Variants in SLIT2 observed in about 807,000 individuals in gnomAD.
The protein encoded by SLIT2 is slit guidance ligand 2, also known as slit homolog 2 protein.
A neutral mutation model predicts 185.7 loss-of-function variants in SLIT2; 41 were observed. The observed-to-expected ratio is 0.22, with a 90% CI of 0.17 to 0.29. The LOEUF (loss-of-function observed/expected upper bound fraction) is 0.29. Among genes scored for constraint, SLIT2 ranks in the 10% least tolerant of loss-of-function variants. The pLI, the probability that SLIT2 is intolerant of heterozygous loss-of-function variation, is 1.00. For synonymous variants in SLIT2, 693 were observed against 680.2 expected (o/e 1.02, Z -0.29); for missense variants, 1,571 against 1,909.0 (o/e 0.82, Z 3.30).
At chr4:20,477,591 TAGAG>T (rs1716258431) in intron 5 of SLIT2, among the ~76,000 whole-genome samples, 1 of 152,066 alleles carries the variant, frequency 6.6e-6, no homozygotes, top group Non-Finnish European at 1.5e-5. Flanking sequence ...AAGGATCACA[TAGAG>T]AGGTAATTTG....
intron 4 of SLIT2, among the ~76,000 whole-genome samples, chr4:20,436,316 C>G (rs756248409): frequency 6.6e-6 from 1 of 152,206 alleles, no homozygotes; most frequent in Non-Finnish European, 1.5e-5. Context: ...AACAGTGCTT[C>G]AGTACATGTA....
intron 4 of SLIT2, among the ~76,000 whole-genome samples, chr4:20,382,419 G>C (rs1724600493): frequency 6.6e-6 from 1 of 152,018 alleles, no homozygotes. Flanking sequence ...CGTTTTTGTA[G>C]AAAATCTTGA....
intron 4 of SLIT2, chr4:20,392,132 G>A (rs1219934290): frequency 2.6e-5 from 4 of 151,902 alleles, no homozygotes; most frequent in Admixed American, 6.6e-5. Context: ...ACATCATAGA[G>A]GGTACTTACA....
chr4:20,457,929 G>A (rs554125359), intron 4 of SLIT2, among the ~76,000 whole-genome samples: 1 of 152,068 alleles, frequency 6.6e-6, no homozygotes, highest in African/African-American at 2.4e-5. Context: ...AACAGTGCTT[G>A]GTATTATTTT....
At chr4:20,572,489 C>T (rs953032252) in intron 29 of SLIT2, among the ~76,000 whole-genome samples, 4 of 152,048 alleles carry the variant, frequency 2.6e-5, no homozygotes, top group Admixed American at 1.3e-4. Context: ...TCATGATCAT[C>T]TTCTTTCTAA....
intron 4 of SLIT2, among the ~76,000 whole-genome samples, chr4:20,467,176 G>A (rs1360159559): frequency 6.6e-6 from 1 of 152,128 alleles, no homozygotes. Flanking sequence ...AAGGTTTTAT[G>A]TAAACCTGCT....
chr4:20,446,142 G>A (rs770281296), intron 4 of SLIT2, among the ~76,000 whole-genome samples: 1 of 152,302 alleles, frequency 6.6e-6, no homozygotes, highest in East Asian at 1.9e-4. Flanking sequence ...TTCGAAGACA[G>A]TTGTCAGATG....
intron 30 of SLIT2, among the ~76,000 whole-genome samples, chr4:20,593,794 A>G (rs963266849): frequency 1.3e-5 from 2 of 152,098 alleles, no homozygotes; most frequent in South Asian, 2.1e-4. Flanking sequence ...AGAATAAAAT[A>G]AAGTTGATAA....
rs372917854 is a variant in SLIT2, at chr4:20,429,756, T to C, written c.396-37996T>C. Among the ~76,000 whole-genome samples, 11 of 152,044 alleles carry C rather than the reference T, an allele frequency of 7.2e-5. No homozygotes were observed. In the South Asian group the frequency reaches 1.5e-3, roughly 20 times the overall value. ...GAGAGAGAAATCAGGAAATGGAAAA[T>C]CCCTGTGCCATAAATTTATATTGTT... On this transcript the variant is annotated intron_variant, in intron 4 of 36. Coordinates refer to ENST00000504154, the MANE Select transcript of SLIT2 (RefSeq NM_004787.4).
intron 4 of SLIT2, among the ~76,000 whole-genome samples, chr4:20,313,144 A>T (rs1293095476): frequency 6.6e-6 from 1 of 152,204 alleles, no homozygotes; most frequent in Non-Finnish European, 1.5e-5. Context: ...CTGCATTGCT[A>T]TAAAGAAATA....
At chr4:20,569,091 C>CT (rs997548602) in intron 29 of SLIT2, 87 bp downstream of exon 29, 7 of 1,150,880 alleles carry the variant, frequency 6.1e-6, no homozygotes, top group Non-Finnish European at 9.0e-6. Flanking sequence ...TTTAGTAAAT[C>CT]TTTTTTTATT....
chr4:20,398,768 T>G (rs560068707), intron 4 of SLIT2, among the ~76,000 whole-genome samples: 3 of 151,866 alleles, frequency 2.0e-5, no homozygotes, highest in Non-Finnish European at 4.4e-5. Context: ...TAGTGTCATT[T>G]ATCAATTATA....
At chr4:20,368,363 AAAC>A (rs1723307956) in intron 4 of SLIT2, among the ~76,000 whole-genome samples, 1 of 151,736 alleles carries the variant, frequency 6.6e-6, no homozygotes, top group South Asian at 2.1e-4. Flanking sequence ...GATTAACAGA[AAAC>A]AAAACAAAAC....
chr4:20,533,806 T>C, intron 18 of SLIT2, 91 bp downstream of exon 18: 1 of 1,081,148 alleles, frequency 9.2e-7, no homozygotes, highest in Non-Finnish European at 1.4e-6. Context: ...CACCTACTTT[T>C]ACCCACCCCA....
chr4:20,583,679 C>T (rs904012388), intron 29 of SLIT2, among the ~76,000 whole-genome samples: 7 of 151,760 alleles, frequency 4.6e-5, no homozygotes, highest in Non-Finnish European at 7.4e-5. Context: ...CATGGTGGTG[C>T]GCACCTGTAG....
intron 4 of SLIT2, among the ~76,000 whole-genome samples, chr4:20,424,410 G>T (rs1299634379): frequency 6.6e-6 from 1 of 151,986 alleles, no homozygotes; most frequent in East Asian, 1.9e-4. Flanking sequence ...GATTCAAAAA[G>T]CCCATGAGTT....
intron 4 of SLIT2, among the ~76,000 whole-genome samples, chr4:20,398,915 T>C (rs1006308829): frequency 2.0e-5 from 3 of 151,808 alleles, no homozygotes; most frequent in Non-Finnish European, 4.4e-5. Context: ...TTCATGCAGT[T>C]ATACTTCAAA....
chr4:20,532,820 T>A (rs970208084), intron 17 of SLIT2, among the ~76,000 whole-genome samples: 13 of 152,218 alleles, frequency 8.5e-5, no homozygotes, highest in Non-Finnish European at 1.5e-4. Context: ...TTTTCACTGT[T>A]ATGAAATGTA....
chr4:20,391,770 A>G (rs752636748), intron 4 of SLIT2, among the ~76,000 whole-genome samples: 1 of 152,088 alleles, frequency 6.6e-6, no homozygotes, highest in Admixed American at 6.6e-5. Context: ...GATTATTTAA[A>G]AAGATAGAGT....
Sources: gnomAD v4.1 joint callset for allele counts (sites outside exome capture counted in the v4.1 genomes callset) on GRCh38, gnomAD v4.1.1 for gene constraint, MANE v1.5 for transcripts, NCBI Gene and HGNC (gene_info 2026-07-23, HGNC 2026-07-21) for gene names.